PIBF1: variants seen among roughly 807,000 people sequenced by gnomAD.
PIBF1 encodes progesterone immunomodulatory binding factor 1.
In PIBF1, 90 loss-of-function variants were observed where a neutral mutation model predicts 112.5. The ratio of observed to expected loss-of-function variants is 0.80; its 90% CI spans 0.67 to 0.95. PIBF1 has a LOEUF of 0.95. Among genes scored for constraint, PIBF1 ranks in the 40% least tolerant of loss-of-function variants. The pLI, the probability that PIBF1 is intolerant of heterozygous loss-of-function variation, is 0.00. For missense variants in PIBF1, 915 were observed against 852.3 expected (o/e 1.07, Z -0.92); for synonymous variants, 301 against 288.6 (o/e 1.04, Z -0.44).
At chr13:72,975,189 G>A (rs1365049829) in intron 16 of PIBF1, among the ~76,000 whole-genome samples, 3 of 151,190 alleles carry the variant, frequency 2.0e-5, no homozygotes, top group Non-Finnish European at 4.4e-5. Context: ...CTGAGTACCC[G>A]GGATTACAGG....
intron 12 of PIBF1, among the ~76,000 whole-genome samples, chr13:72,912,119 A>G (rs1258036345): frequency 6.6e-6 from 1 of 152,208 alleles, no homozygotes; most frequent in East Asian, 1.9e-4. Flanking sequence ...AAAGGCAAGG[A>G]AACAGATTTC....
chr13:72,850,577 A>G (rs544546931), intron 9 of PIBF1, among the ~76,000 whole-genome samples: 21 of 152,286 alleles, frequency 1.4e-4, no homozygotes, highest in African/African-American at 2.9e-4. Context: ...CCATCTACCA[A>G]TTGAGCATTC....
intron 4 of PIBF1, among the ~76,000 whole-genome samples, chr13:72,796,644 C>G (rs1387873343): frequency 1.4e-5 from 2 of 137,986 alleles, no homozygotes; most frequent in African/African-American, 2.9e-5. Context: ...CTTTTTTGTT[C>G]AGCTGTTTTT....
chr13:72,957,715 G>T (rs2042486749), intron 14 of PIBF1, among the ~76,000 whole-genome samples: 1 of 152,058 alleles, frequency 6.6e-6, no homozygotes, highest in Admixed American at 6.6e-5. Flanking sequence ...GGCCAGGATG[G>T]ATCACTGGAG....
intron 4 of PIBF1, among the ~76,000 whole-genome samples, chr13:72,796,699 A>G (rs867170037): frequency 5.3e-5 from 8 of 149,798 alleles, no homozygotes; most frequent in African/African-American, 2.0e-4. Flanking sequence ...TGTCCAAAGT[A>G]TACTGTCCAA....
intron 14 of PIBF1, among the ~76,000 whole-genome samples, chr13:72,939,728 T>G (rs934908356): frequency 6.6e-6 from 1 of 152,204 alleles, no homozygotes; most frequent in African/African-American, 2.4e-5. Context: ...CCTGTTTTCA[T>G]TTCTTTTAAG....
chr13:72,965,264 G>C lies in PIBF1; in HGVS notation c.1834-10G>C. The C allele has an allele frequency of 6.2e-7, 1 of 1,605,588 alleles. No individual in the cohort carries two copies. The highest frequency in any genetic ancestry group is 8.5e-7 in the Non-Finnish European group (1 of 1,177,102). On this transcript the variant is annotated splice_polypyrimidine_tract_variant and intron_variant, in intron 14 of 17. Transcript: ENST00000326291. ...TTTTCTAGATTTTAATGAAACCTGTGTTTCTTTAGCTTGACAGAGCCAATT... is the reference window on the plus strand; with the variant it reads ...TTTTCTAGATTTTAATGAAACCTGTCTTTCTTTAGCTTGACAGAGCCAATT...
chr13:72,833,720 CG>C (rs2037225276), intron 8 of PIBF1, among the ~76,000 whole-genome samples: 1 of 152,142 alleles, frequency 6.6e-6, no homozygotes, highest in South Asian at 2.1e-4. Flanking sequence ...TCAGGATACA[CG>C]GGGGTCAGGG....
At chr13:72,810,298 G>A (rs2035947107) in intron 5 of PIBF1, among the ~76,000 whole-genome samples, 2 of 152,104 alleles carry the variant, frequency 1.3e-5, no homozygotes, top group African/African-American at 4.8e-5. Context: ...CATATCAAAA[G>A]GATGTGATGT....
intron 5 of PIBF1, among the ~76,000 whole-genome samples, chr13:72,810,100 C>T (rs2035939081): frequency 6.6e-6 from 1 of 152,112 alleles, no homozygotes; most frequent in South Asian, 2.1e-4. Flanking sequence ...CTAATTCTGG[C>T]TTATTTTGAG....
At chr13:72,798,479 T>G (rs1030998689) in intron 5 of PIBF1, among the ~76,000 whole-genome samples, 42 of 152,182 alleles carry the variant, frequency 2.8e-4, no homozygotes, top group African/African-American at 9.9e-4. Context: ...GGAGAATATT[T>G]TTACTTTGAA....
At chr13:72,846,278 C>T (rs2037876150) in intron 9 of PIBF1, among the ~76,000 whole-genome samples, 1 of 152,168 alleles carries the variant, frequency 6.6e-6, no homozygotes, top group Non-Finnish European at 1.5e-5. Flanking sequence ...AACCTGAAGT[C>T]ATCTTTTTTC....
intron 15 of PIBF1, among the ~76,000 whole-genome samples, chr13:72,972,446 G>A (rs555201971): frequency 2.6e-5 from 4 of 152,186 alleles, no homozygotes; most frequent in East Asian, 3.9e-4. Context: ...GGCAGATCAC[G>A]TGAGGTCAGG....
intron 10 of PIBF1, among the ~76,000 whole-genome samples, chr13:72,856,871 C>A (rs61967068): frequency 0.22 from 32,952 of 152,046 alleles, 3,648 homozygotes; most frequent in Middle Eastern, 0.27. Context: ...GACAAACCAA[C>A]ACTAAAAATT....
chr13:72,943,943 T>C (rs2042079681), intron 14 of PIBF1, among the ~76,000 whole-genome samples: 1 of 152,040 alleles, frequency 6.6e-6, no homozygotes, highest in African/African-American at 2.4e-5. Context: ...TGAGAGAGGG[T>C]TCAATCTAAG....
At chr13:73,004,909 G>A (rs1484141382) in intron 17 of PIBF1, among the ~76,000 whole-genome samples, 1 of 152,210 alleles carries the variant, frequency 6.6e-6, no homozygotes, top group East Asian at 1.9e-4. Flanking sequence ...GGTTGGCCGG[G>A]CACTGTGGCT....
chr13:73,005,484 A>G (rs1036082657), intron 17 of PIBF1, among the ~76,000 whole-genome samples: 3 of 151,584 alleles, frequency 2.0e-5, no homozygotes, highest in Admixed American at 1.3e-4. Flanking sequence ...AAAATAATAT[A>G]TATAAAATGA....
At chr13:72,964,692 T>C (rs981341153) in intron 14 of PIBF1, among the ~76,000 whole-genome samples, 7 of 152,232 alleles carry the variant, frequency 4.6e-5, no homozygotes, top group Admixed American at 4.6e-4. Context: ...TTTTATGTCA[T>C]ATAGCTTTTC....
At chr13:72,902,808 A>G (rs1229525190) in intron 11 of PIBF1, among the ~76,000 whole-genome samples, 1 of 152,128 alleles carries the variant, frequency 6.6e-6, no homozygotes, top group Non-Finnish European at 1.5e-5. Flanking sequence ...GGAATGAAGG[A>G]TGCAGTTAGG....
Sources: allele counts gnomAD v4.1 joint callset (sites outside exome capture counted in the v4.1 genomes callset), GRCh38; gene constraint gnomAD v4.1.1; transcripts MANE v1.5; gene names NCBI Gene and HGNC (gene_info 2026-07-23, HGNC 2026-07-21).